Variants in UTP4 observed in about 807,000 individuals in gnomAD.
UTP4 encodes U3 small nucleolar RNA-associated protein 4 homolog.
In UTP4, 45 loss-of-function variants were observed where a neutral mutation model predicts 82.4. The ratio of observed to expected loss-of-function variants is 0.55; its 90% CI spans 0.43 to 0.70. The LOEUF (loss-of-function observed/expected upper bound fraction) is 0.70, where lower values mean the gene tolerates loss of function less well. Among genes scored for constraint, UTP4 ranks in the 30% least tolerant of loss-of-function variants. The probability of loss-of-function intolerance (pLI) is 0.00; values close to 1 mark genes in which losing one functional copy is unlikely to be tolerated. For missense variants in UTP4, 819 were observed against 858.3 expected, an observed-to-expected ratio of 0.95 and a Z score of 0.57; for synonymous variants, 348 against 300.3, an observed-to-expected ratio of 1.16 and a Z score of -1.64.
At chr16:69,152,508 T>A (rs1963300629) in intron 8 of UTP4, among the ~76,000 whole-genome samples, 1 of 150,282 alleles carries the variant, frequency 6.7e-6, no homozygotes, top group South Asian at 2.1e-4. Flanking sequence ...TTGCTCTTGT[T>A]GCCCAGGCTG....
chr16:69,140,481 C>T (rs879856829), intron 5 of UTP4, among the ~76,000 whole-genome samples: 1 of 152,020 alleles, frequency 6.6e-6, no homozygotes, highest in Non-Finnish European at 1.5e-5. Flanking sequence ...TTTGGGAGGC[C>T]GAGGTGGGTG....
rs371545438 is a variant in UTP4, at chr16:69,165,429, G to A, written c.1736G>A (p.Arg579Lys). 6.2e-7 allele frequency: 1 copy of A among 1,613,960 alleles called. No homozygotes were observed. The highest frequency in any genetic ancestry group is 8.5e-7 in the Non-Finnish European group (1 of 1,180,000). ...KQGFHHLWLQRDTPITHISFH... is the reference protein window; with the variant it reads ...KQGFHHLWLQKDTPITHISFH... The stretch of plus-strand genomic sequence containing the variant: ...GGCTTTCACCACCTTTGGCTCCAAA[G>A]GGATACTCCTATCACACACATCAGT... The change falls in exon 15 of 17, where the codon AGG (arginine) becomes AAG (lysine). Residue 579 changes from arginine to lysine, a missense_variant. By Grantham distance (26) the Arg-to-Lys change is conservative. Transcript: ENST00000314423.
In UTP4 at chr16:69,143,187, T is replaced by C. The variant is rs759894130; in HGVS notation, c.536T>C (p.Val179Ala). 16 of 1,614,092 alleles carry C rather than the reference T, an allele frequency of 9.9e-6. No homozygotes were observed. In the East Asian group the frequency reaches 3.3e-4, roughly 34 times the overall value. ...TTTTCTGATTTTTCAGGCAGCGCTG[T>C]TCATAAGATGATTGTGGACAGGCAG... ...SVFDVKSGSA[V>A]HKMIVDRQYM... The change falls in exon 6 of 17, where the codon GTT becomes GCT. Residue 179 changes from valine (V) to alanine (A), a missense_variant. Transcript: ENST00000314423.
intron 13 of UTP4, among the ~76,000 whole-genome samples, chr16:69,162,056 C>T (rs1963576657): frequency 6.6e-6 from 1 of 151,884 alleles, no homozygotes; most frequent in African/African-American, 2.4e-5. Context: ...CAACCTCCGC[C>T]TCCTAGGTTC....
Position 69,132,658 on chromosome 16 carries a change from C to T in UTP4, c.-34C>T, listed in dbSNP as rs1292848787. 1.1e-5 allele frequency: 4 copies of T among 360,614 alleles called. No homozygotes were observed. Among genetic ancestry groups the T allele is most frequent in the African/African-American group, 4.6e-5 (2 of 43,602 alleles). The allele number at this position is 360,614 out of a possible 1,614,324, so 22.3% of individuals were successfully genotyped here. Reference sequence around the variant, plus strand: ...CACGTGGGGCCGGGGCGGAGAGAGGCGAGCACCGGGAAGGGGAGCGTGGGG... The same window carrying T: ...CACGTGGGGCCGGGGCGGAGAGAGGTGAGCACCGGGAAGGGGAGCGTGGGG... On this transcript the variant is annotated 5_prime_UTR_variant, in exon 1 of 17. Coordinates refer to ENST00000314423, the MANE Select transcript of UTP4 (RefSeq NM_032830.3).
chr16:69,159,073 T>A (rs765716856), intron 12 of UTP4, among the ~76,000 whole-genome samples: 1 of 152,092 alleles, frequency 6.6e-6, no homozygotes, highest in Non-Finnish European at 1.5e-5. Context: ...ATTATTAATT[T>A]ATTTATTTTT....
Position 69,136,798 on chromosome 16 carries a change from T to A in UTP4, c.262T>A (p.Leu88Ile). 1.2e-6 allele frequency: 2 copies of A among 1,614,152 alleles called. No homozygotes were observed. The highest frequency in any genetic ancestry group is 1.7e-6 in the Non-Finnish European group (2 of 1,180,014). ...CAATGGCGAGATTATGGAGTATGAT[T>A]TACAGGCGTTAAACATCAAGTATGC... Reference protein sequence around the residue: ...GLNGEIMEYDLQALNIKYAMD... With the variant: ...GLNGEIMEYDIQALNIKYAMD... The change falls in exon 3 of 17, where the codon TTA becomes ATA. Residue 88 changes from leucine (L) to isoleucine (I), a missense_variant. Coordinates refer to ENST00000314423, the MANE Select transcript of UTP4 (RefSeq NM_032830.3).
chr16:69,163,401 C>G (rs1297944613), intron 14 of UTP4, among the ~76,000 whole-genome samples: 1 of 151,980 alleles, frequency 6.6e-6, no homozygotes, highest in Non-Finnish European at 1.5e-5. Flanking sequence ...CACTAAGATT[C>G]TAGAGTAAAG....
chr16:69,141,961 T>C (rs2152277747), intron 5 of UTP4, among the ~76,000 whole-genome samples: 2 of 151,620 alleles, frequency 1.3e-5, no homozygotes, highest in South Asian at 2.1e-4. Flanking sequence ...TAGCGTTAGG[T>C]ATATCTCCTA....
intron 2 of UTP4, 67 bp downstream of exon 2, chr16:69,133,685 A>T: frequency 2.0e-6 from 3 of 1,525,360 alleles, no homozygotes; most frequent in Non-Finnish European, 2.7e-6. Context: ...AGAAGCTTGT[A>T]TGTCTTTTAT....
chr16:69,154,589 G>GT, intron 10 of UTP4, 132 bp downstream of exon 10: 1 of 735,634 alleles, frequency 1.4e-6, no homozygotes, highest in Non-Finnish European at 2.4e-6. Flanking sequence ...ATGAAGGACT[G>GT]TGTCACCAGG....
chr16:69,164,633 T>C (rs1963656350), intron 14 of UTP4, among the ~76,000 whole-genome samples: 1 of 148,048 alleles, frequency 6.8e-6, no homozygotes, highest in African/African-American at 2.5e-5. Context: ...TATATCTGTA[T>C]ATAGATATAT....
chr16:69,153,659 C>T lies in UTP4; in HGVS notation c.1078C>T (p.Leu360=). The stretch of plus-strand genomic sequence containing the variant: ...TGCTCATCACTTAGAACTTTGGCGA[C>T]TGGGATCCACAGTTGCAACAGGTAA... ...QFAHHLELWR[L]GSTVATGKNG... The change falls in exon 9 of 17, where the codon CTG becomes TTG. Residue 360 remains leucine (L), a synonymous_variant. Transcript: ENST00000314423. 6.2e-7 allele frequency: 1 copy of T among 1,612,874 alleles called. No individual in the cohort carries two copies. The highest frequency in any genetic ancestry group is 8.5e-7 in the Non-Finnish European group (1 of 1,179,380).
At chr16:69,139,410 G>C (rs1207229480) in intron 4 of UTP4, among the ~76,000 whole-genome samples, 2 of 151,642 alleles carry the variant, frequency 1.3e-5, no homozygotes, top group African/African-American at 4.8e-5. Context: ...AGGCTGAGGC[G>C]GGTGGATCAC....
chr16:69,141,689 G>A (rs958960857), intron 5 of UTP4, among the ~76,000 whole-genome samples: 1 of 151,810 alleles, frequency 6.6e-6, no homozygotes, highest in Non-Finnish European at 1.5e-5. Flanking sequence ...CTTTCTGGGA[G>A]AGTTTGTCTT....
intron 12 of UTP4, among the ~76,000 whole-genome samples, chr16:69,159,168 C>A (rs1468220657): frequency 6.6e-6 from 1 of 152,060 alleles, no homozygotes; most frequent in African/African-American, 2.4e-5. Context: ...CCTTTGCCTC[C>A]CAGGTTCAAG....
At chr16:69,157,036 TG>T (rs1963434769) in intron 11 of UTP4, 47 bp from the exon 12 acceptor site, 1 of 1,602,716 alleles carries the variant, frequency 6.2e-7, no homozygotes. Context: ...TCTGATGGGC[TG>T]TAGGTCTCCC....
Position 69,156,028 on chromosome 16 carries a change from G to GA in UTP4, c.1287+38dup, listed in dbSNP as rs765782449. ...AGTCCAATATCTGGTCACATAAGAG[G>GA]AAACTTCCTAAATATGTCATTTTTG... is the stretch of plus-strand genomic sequence containing the variant. On this transcript the variant is annotated intron_variant, in intron 11 of 16. Transcript: ENST00000314423. 3.7e-6 allele frequency: 6 copies of GA among 1,609,158 alleles called. No individual in the cohort carries two copies. In the African/African-American group the frequency reaches 8.0e-5, roughly 21 times the overall value.
intron 2 of UTP4, 104 bp from the exon 3 acceptor site, chr16:69,136,592 T>A (rs1393210374): frequency 9.6e-7 from 1 of 1,042,118 alleles, no homozygotes; most frequent in Non-Finnish European, 1.5e-6. Context: ...AACCCCACAC[T>A]AGTTATTTAT....
Sources: allele counts gnomAD v4.1 joint callset (sites outside exome capture counted in the v4.1 genomes callset), GRCh38; gene constraint gnomAD v4.1.1; transcripts MANE v1.5; gene names NCBI Gene and HGNC (gene_info 2026-07-23, HGNC 2026-07-21).